The following MEGF11 variants were observed in gnomAD, a reference collection of about 807,000 sequenced individuals.
The protein encoded by MEGF11 is multiple EGF like domains 11.
A neutral mutation model predicts 146.6 loss-of-function variants in MEGF11; 126 were observed. The observed-to-expected ratio is 0.86, with a 90% CI of 0.74 to 1.00. MEGF11 has a LOEUF of 1.00. Among genes scored for constraint, MEGF11 ranks in the 50% least tolerant of loss-of-function variants. The pLI, the probability that MEGF11 is intolerant of heterozygous loss-of-function variation, is 0.00. For synonymous variants in MEGF11, 532 were observed against 583.4 expected (o/e 0.91, Z 1.27); for missense variants, 1,509 against 1,521.2 (o/e 0.99, Z 0.13).
At chr15:66,142,145 A>G (rs925961862) in intron 1 of MEGF11, among the ~76,000 whole-genome samples, 2 of 152,190 alleles carry the variant, frequency 1.3e-5, no homozygotes, top group African/African-American at 4.8e-5. Context: ...TACCCCAGGT[A>G]TAAGCAATGC....
intron 1 of MEGF11, among the ~76,000 whole-genome samples, chr15:66,194,640 T>C (rs988270189): frequency 3.2e-5 from 4 of 125,768 alleles, no homozygotes; most frequent in African/African-American, 1.2e-4. Flanking sequence ...AAAAGAATGA[T>C]ACAATGGACT....
intron 5 of MEGF11, among the ~76,000 whole-genome samples, chr15:66,027,095 G>A (rs1394172761): frequency 1.3e-5 from 2 of 152,102 alleles, no homozygotes; most frequent in Non-Finnish European, 2.9e-5. Context: ...CACTGGACAC[G>A]CTAGCTGTGG....
intron 10 of MEGF11, among the ~76,000 whole-genome samples, chr15:65,939,543 G>T (rs1306785753): frequency 6.8e-6 from 1 of 147,122 alleles, no homozygotes; most frequent in Non-Finnish European, 1.5e-5. Context: ...CGCCCAGGCT[G>T]GAGTGCAATG....
intron 13 of MEGF11, among the ~76,000 whole-genome samples, chr15:65,925,580 A>C (rs1222093194): frequency 3.9e-5 from 6 of 152,182 alleles, no homozygotes; most frequent in Non-Finnish European, 7.4e-5. Flanking sequence ...GTTTCTGAAG[A>C]AGCAGCTTCA....
intron 1 of MEGF11, among the ~76,000 whole-genome samples, chr15:66,145,712 G>A (rs1428360197): frequency 6.6e-6 from 1 of 152,328 alleles, no homozygotes; most frequent in Non-Finnish European, 1.5e-5. Context: ...CCCTGTGAGG[G>A]AGGCATCTGG....
intron 1 of MEGF11, among the ~76,000 whole-genome samples, chr15:66,162,593 A>AAAAAC (rs761613352): frequency 2.0e-5 from 3 of 152,344 alleles, no homozygotes; most frequent in Admixed American, 6.5e-5. Context: ...GTGGTGATAG[A>AAAAAC]AAAACAAAAC....
intron 7 of MEGF11, among the ~76,000 whole-genome samples, chr15:65,975,270 C>T (rs184986987): frequency 1.3e-5 from 2 of 152,340 alleles, no homozygotes; most frequent in East Asian, 3.9e-4. Context: ...GGAGCTGGGA[C>T]TGCAGGCTCA....
intron 1 of MEGF11, among the ~76,000 whole-genome samples, chr15:66,224,704 T>C (rs1458097924): frequency 3.4e-5 from 5 of 147,040 alleles, no homozygotes; most frequent in Admixed American, 2.1e-4. Context: ...ATATATTTTA[T>C]ATATACATTT....
At chr15:66,234,265 T>A (rs2092040769) in intron 1 of MEGF11, among the ~76,000 whole-genome samples, 1 of 152,362 alleles carries the variant, frequency 6.6e-6, no homozygotes, top group Middle Eastern at 3.4e-3. Flanking sequence ...GAGGCGCTAT[T>A]GCGAGGATGT....
At chr15:66,211,316 G>T (rs1220039897) in intron 1 of MEGF11, among the ~76,000 whole-genome samples, 3 of 152,168 alleles carry the variant, frequency 2.0e-5, no homozygotes, top group Non-Finnish European at 4.4e-5. Flanking sequence ...GAAGTCAGGA[G>T]ATCGAGACCA....
intron 1 of MEGF11, among the ~76,000 whole-genome samples, chr15:66,182,723 G>T (rs2090585171): frequency 6.6e-6 from 1 of 152,196 alleles, no homozygotes; most frequent in South Asian, 2.1e-4. Flanking sequence ...CAGATCTTCT[G>T]CCTGACAGTT....
chr15:65,914,750 A>T (rs1156527092), intron 19 of MEGF11, among the ~76,000 whole-genome samples: 1 of 152,200 alleles, frequency 6.6e-6, no homozygotes, highest in Admixed American at 6.5e-5. Flanking sequence ...TCAGAATGCA[A>T]CGGAAATCTG....
chr15:66,188,013 T>C (rs2090758172), intron 1 of MEGF11, among the ~76,000 whole-genome samples: 1 of 152,204 alleles, frequency 6.6e-6, no homozygotes. Context: ...TTAGCACTAC[T>C]GACGTTTTGG....
chr15:65,920,962 G>A (rs1480726437), intron 15 of MEGF11, among the ~76,000 whole-genome samples: 1 of 152,182 alleles, frequency 6.6e-6, no homozygotes, highest in Non-Finnish European at 1.5e-5. Flanking sequence ...CTAGTCTCCT[G>A]TGTTTAATAA....
chr15:66,207,682 T>A (rs974918454), intron 1 of MEGF11, among the ~76,000 whole-genome samples: 4 of 152,226 alleles, frequency 2.6e-5, no homozygotes, highest in Non-Finnish European at 1.5e-5. Context: ...TTGTTGTAAC[T>A]TTTTTTACCT....
chr15:66,163,897 G>A (rs563110411), intron 1 of MEGF11, among the ~76,000 whole-genome samples: 27 of 152,308 alleles, frequency 1.8e-4, no homozygotes, highest in Admixed American at 8.5e-4. Flanking sequence ...TTGTGCCACC[G>A]TTTTAATTCC....
rs2083884300 is a variant in MEGF11, at chr15:66,039,809, ACGG to A, written c.394+54590_394+54592del. Among the ~76,000 whole-genome samples the A allele has an allele frequency of 3.3e-5, 3 of 89,734 alleles. 1 individual carries two copies. The highest frequency in any genetic ancestry group is 6.8e-5 in the Non-Finnish European group (3 of 43,804). 58.9% of individuals were successfully genotyped at this position (89,734 alleles called of 152,430 possible). A position where few individuals can be genotyped will look rare whatever the true frequency, so the allele number is the denominator to read the frequency against. ...AGCCGGGTCAGGCGGCGGTGGGGTG[ACGG>A]TCCTGAGCCGGGTCAGGCGGCGGTG... is the stretch of plus-strand genomic sequence containing the variant. On this transcript the variant is annotated intron_variant, in intron 5 of 25. Transcript: ENST00000395614.
chr15:65,950,325 C>T (rs2080353406), intron 10 of MEGF11, among the ~76,000 whole-genome samples: 1 of 152,174 alleles, frequency 6.6e-6, no homozygotes. Context: ...TGGCTCACGC[C>T]TGGAAATCCA....
At chr15:65,945,071 T>C (rs2080140330) in intron 10 of MEGF11, among the ~76,000 whole-genome samples, 1 of 152,064 alleles carries the variant, frequency 6.6e-6, no homozygotes, top group Non-Finnish European at 1.5e-5. Context: ...AATTTTTGTA[T>C]TTTTAGTAGA....
Sources: gnomAD v4.1 joint callset for allele counts (sites outside exome capture counted in the v4.1 genomes callset) on GRCh38, gnomAD v4.1.1 for gene constraint, MANE v1.5 for transcripts, NCBI Gene and HGNC (gene_info 2026-07-23, HGNC 2026-07-21) for gene names.